CBARP: variants seen among roughly 807,000 people sequenced by gnomAD.
The protein encoded by CBARP is CACN subunit beta associated regulatory protein.
Under a neutral mutation model 36.3 loss-of-function variants are expected in CBARP, and 24 were observed. The ratio of observed to expected loss-of-function variants is 0.66; its 90% CI spans 0.48 to 0.93. The LOEUF (loss-of-function observed/expected upper bound fraction) is 0.93. CBARP is among the 40% of genes least tolerant of loss of function. The pLI is 0.00. For missense variants in CBARP, 1,146 were observed against 980.4 expected, an observed-to-expected ratio of 1.17 and a Z score of -2.26; for synonymous variants, 586 against 453.2, an observed-to-expected ratio of 1.29 and a Z score of -3.72.
chr19:1,230,743 A>G lies in CBARP; in HGVS notation c.1154+358T>C, dbSNP rs977084621. On this transcript the variant is annotated intron_variant, in intron 9 of 9. Coordinates refer to ENST00000650044, the MANE Select transcript of CBARP (RefSeq NM_001393918.1). ...AGTGGTCACAGCAGCTTCTGAGAGG[A>G]GTCTGCCCAGCCTTGGGAGCATGGG... 9.2e-6 allele frequency: 12 copies of G among 1,309,044 alleles called. No homozygotes were observed. In the Admixed American group the frequency reaches 4.3e-4, roughly 47 times the overall value. 81.1% of individuals were successfully genotyped at this position (1,309,044 alleles called of 1,614,324 possible).
rs372217682 is a variant in CBARP at position 1,231,323 on chromosome 19, C to G, written c.980-48G>C. ...GCGTCAGCCGGCATGTGCCTCCACC[C>G]GCTCCACACACACACAGAATGCCTA... On this transcript the variant is annotated intron_variant, in intron 8 of 9. Transcript: ENST00000650044. 7.0e-6 allele frequency: 11 copies of G among 1,570,234 alleles called. No homozygotes were observed. The South Asian group carries it at 1.3e-4, about 18-fold the overall frequency.
intron 1 of CBARP, among the ~76,000 whole-genome samples, 199 bp from the exon 2 acceptor site, chr19:1,236,320 T>C (rs1287474609): frequency 6.6e-6 from 1 of 152,146 alleles, no homozygotes; most frequent in Admixed American, 6.5e-5. Context: ...TGGACCTCCA[T>C]CTCCCATCCC....
Position 1,235,023 on chromosome 19 carries a change from T to C in CBARP, c.433A>G (p.Lys145Glu). 2.5e-6 allele frequency: 4 copies of C among 1,609,466 alleles called. No individual in the cohort carries two copies. The highest frequency in any genetic ancestry group is 3.4e-6 in the Non-Finnish European group (4 of 1,177,954). The change falls in exon 5 of 10, where the codon AAG becomes GAG. Residue 145 changes from lysine to glutamate, a missense_variant. Coordinates refer to ENST00000650044, the MANE Select transcript of CBARP (RefSeq NM_001393918.1). ...TACCGGCGACCCTTGTCCTGCGTCT[T>C]GCGGCTCTGCTCAAACAGCGCCGCC... Reference protein sequence around the residue: ...NEAALFEQSRKTQDKGRRYTL... With the variant: ...NEAALFEQSRETQDKGRRYTL...
chr19:1,233,371 GGC>G, intron 8 of CBARP, 53 bp downstream of exon 8: 1 of 1,488,516 alleles, frequency 6.7e-7, no homozygotes, highest in Non-Finnish European at 9.1e-7. Context: ...GGCAGCCCCT[GGC>G]AGCCAGCACC....
Position 1,233,530 on chromosome 19 carries a change from G to A in CBARP, c.875C>T (p.Thr292Ile), listed in dbSNP as rs767992418. Reference sequence around the variant, plus strand: ...CAGGCTGGCATGGCGGCGCAGGCGGGTGAGGAACTGCAGAACGGTACCTGC... The same window carrying A: ...CAGGCTGGCATGGCGGCGCAGGCGGATGAGGAACTGCAGAACGGTACCTGC... ...SGAGTVLQFL[T>I]RLRRHASLDG... The change falls in exon 8 of 10, where the codon ACC becomes ATC. Residue 292 changes from threonine to isoleucine, a missense_variant. Physicochemically the swap from Thr to Ile is moderately conservative, Grantham distance 89. Transcript: ENST00000650044. 3.1e-6 allele frequency: 5 copies of A among 1,604,918 alleles called. No homozygotes were observed. The highest frequency in any genetic ancestry group is 4.3e-6 in the Non-Finnish European group (5 of 1,176,312).
At position 1,234,602 on chromosome 19, in the gene CBARP, GTGGCCGGGTGGGGCGTGGTGGCTGAGC is replaced by G. The variant is rs753939723; in HGVS notation, c.569_595del (p.Ser190_Ala198del). On this transcript the variant is annotated inframe_deletion, in exon 6 of 10. Coordinates refer to ENST00000650044, the MANE Select transcript of CBARP (RefSeq NM_001393918.1). ...GATGGCCAGAGTGGCCTTGGGAGAG[GTGGCCGGGTGGGGCGTGGTGGCTGAGC>G]TGGCCTCGCCTGAGTCACACTCGTG... 6.2e-7 allele frequency: 1 copy of G among 1,608,192 alleles called. No individual in the cohort carries two copies. Among genetic ancestry groups the G allele is most frequent in the Non-Finnish European group, 8.5e-7 (1 of 1,178,062 alleles).
chr19:1,231,990 G>A (rs1415511949), intron 8 of CBARP, among the ~76,000 whole-genome samples: 1 of 152,110 alleles, frequency 6.6e-6, no homozygotes, highest in South Asian at 2.1e-4. Flanking sequence ...CGGAAGGCAT[G>A]AGAGAGTCAC....
rs540494227 is a variant in CBARP, at chr19:1,229,097, C to T, written c.*82G>A. On this transcript the variant is annotated 3_prime_UTR_variant, in exon 10 of 10. Coordinates refer to ENST00000650044, the MANE Select transcript of CBARP (RefSeq NM_001393918.1). This position sits in a 1 kb window ranked among gnomAD's most constrained non-coding sequence, Gnocchi z 5.1. ...TCCCCGCGCATTCGCGTCGGGGCGT[C>T]GCGCCCCCACGTCTCTCCCGCCGCC... The T allele has an allele frequency of 1.6e-3, 744 of 458,054 alleles. 5 individuals are homozygous for T. The highest frequency in any genetic ancestry group is 0.015 in the African/African-American group (677 of 46,650). 28.4% of individuals were successfully genotyped at this position (458,054 alleles called of 1,614,324 possible).
At position 1,235,050 on chromosome 19, in the gene CBARP, C is replaced by T; in HGVS notation, c.406G>A (p.Glu136Lys). ...CGGCTCTGCTCAAACAGCGCCGCCT[C>T]ATTGAAGGAGACCCGGCGGCCCGTG... is the stretch of plus-strand genomic sequence containing the variant. Reference protein sequence around the residue: ...SSTGRRVSFNEAALFEQSRKT... With the variant: ...SSTGRRVSFNKAALFEQSRKT... Residue 136 changes from glutamate (E) to lysine (K), a missense_variant, in exon 5 of 10, where the codon GAG becomes AAG. By Grantham distance (56) the Glu-to-Lys change is moderately conservative. Coordinates refer to ENST00000650044, the MANE Select transcript of CBARP (RefSeq NM_001393918.1). 7 of 1,611,522 alleles carry T rather than the reference C, an allele frequency of 4.3e-6. No individual in the cohort carries two copies. Among genetic ancestry groups the T allele is most frequent in the African/African-American group, 1.3e-5 (1 of 75,020 alleles).
intron 6 of CBARP, 103 bp downstream of exon 6, chr19:1,234,468 G>A (rs565281735): frequency 3.5e-6 from 5 of 1,431,020 alleles, no homozygotes; most frequent in Non-Finnish European, 4.6e-6. Context: ...ATCCCGAGAT[G>A]AGGGCCACCC....
Position 1,235,102 on chromosome 19 carries a change from C to A in CBARP, c.354G>T (p.Glu118Asp), listed in dbSNP as rs367789864. 2.5e-6 allele frequency: 4 copies of A among 1,605,430 alleles called. No homozygotes were observed. In the African/African-American group the frequency reaches 4.0e-5, roughly 16 times the overall value. Residue 118 changes from glutamate (E) to aspartate (D), a missense_variant, in exon 5 of 10, where the codon GAG (glutamate) becomes GAT (aspartate). Glu to Asp is a conservative substitution (Grantham distance 45). Transcript: ENST00000650044. The stretch of plus-strand genomic sequence containing the variant: ...AGCTGGTGGACAGGAAGCGTTCGGT[C>A]TCCGCATCCTGGCACTCGGGGTCCT... ...RGEDPECQDA[E>D]TERFLSTSST...
In CBARP at chr19:1,235,791, T is replaced by A; in HGVS notation, c.233A>T (p.Gln78Leu). The stretch of plus-strand genomic sequence containing the variant: ...GGGGGCCTCGCACCTGTTGAGGCGC[T>A]GGTGGACGTCCCAGCAGCGCTTGCA... ...LLCKRCWDVH[Q>L]RLNRAMEEAE... is the part of the protein sequence containing the mutation. The change falls in exon 3 of 10, where the codon CAG (glutamine) becomes CTG (leucine). Residue 78 changes from glutamine (Q) to leucine (L), a missense_variant. Transcript: ENST00000650044. The A allele has an allele frequency of 1.2e-6, 2 of 1,608,126 alleles. No individual in the cohort carries two copies. The highest frequency in any genetic ancestry group is 1.7e-6 in the Non-Finnish European group (2 of 1,179,848).
At chr19:1,235,641 A>C in intron 3 of CBARP, 76 bp from the exon 4 acceptor site, 1 of 1,584,520 alleles carries the variant, frequency 6.3e-7, no homozygotes, top group South Asian at 1.1e-5. Context: ...CTTTGCCCCA[A>C]GCCAAGCCCT....
At chr19:1,235,382 G>A (rs1221087256) in intron 4 of CBARP, 119 bp downstream of exon 4, 17 of 1,216,292 alleles carry the variant, frequency 1.4e-5, no homozygotes, top group Middle Eastern at 2.4e-4. Flanking sequence ...GAATCGAGCT[G>A]CGCCCAGTCT....
Position 1,235,323 on chromosome 19 carries a change from G to A in CBARP, c.310+178C>T, listed in dbSNP as rs758485640. On this transcript the variant is annotated intron_variant, in intron 4 of 9. Transcript: ENST00000650044. ...GCTCACACACTCACTCGCTCAGCAC[G>A]CGCCTGGGCCCACCTACGCCTGGGC... is the stretch of plus-strand genomic sequence containing the variant. The A allele has an allele frequency of 2.5e-5, 26 of 1,037,524 alleles. No homozygotes were observed. In the Admixed American group the frequency reaches 4.7e-4, roughly 19 times the overall value. The allele number at this position is 1,037,524 out of a possible 1,614,324, so 64.3% of individuals were successfully genotyped here. A position where few individuals can be genotyped will look rare whatever the true frequency, so the allele number is the denominator to read the frequency against.
At chr19:1,235,467 G>GGCGA in intron 4 of CBARP, 34 bp downstream of exon 4, 4 of 1,549,414 alleles carry the variant, frequency 2.6e-6, no homozygotes, top group Non-Finnish European at 3.5e-6. Context: ...CGGATGGACA[G>GGCGA]GCGAGCGCAC....
intron 4 of CBARP, 89 bp from the exon 5 acceptor site, chr19:1,235,234 CAGGG>C (rs1301411719): frequency 7.4e-7 from 1 of 1,343,034 alleles, no homozygotes; most frequent in African/African-American, 1.6e-5. Context: ...GCGGCCACGG[CAGGG>C]AGGGCTGGGG....
In CBARP at chr19:1,234,986, C is replaced by A. The variant is rs775832489; in HGVS notation, c.455+15G>T. ...AGACAGGCCCTGGGGTGCCTCCCAA[C>A]GCCGCCCCGCTTACCGGCGACCCTT... is the stretch of plus-strand genomic sequence containing the variant. On this transcript the variant is annotated intron_variant, in intron 5 of 9. Transcript: ENST00000650044. 1 of 1,593,538 alleles carries A rather than the reference C, an allele frequency of 6.3e-7. No individual in the cohort carries two copies. Among genetic ancestry groups the A allele is most frequent in the East Asian group, 2.3e-5 (1 of 44,424 alleles).
chr19:1,230,344 TATTAAGCAGGG>T, intron 9 of CBARP: 2 of 986,514 alleles, frequency 2.0e-6, no homozygotes, highest in Non-Finnish European at 2.4e-6. Context: ...GGCGCCTGCT[TATTAAGCAGGG>T]TGCCTCCATG....
Sources: gnomAD v4.1 joint callset for allele counts (sites outside exome capture counted in the v4.1 genomes callset) on GRCh38, gnomAD v4.1.1 for gene constraint, Gnocchi (gnomAD v3.1) non-coding constraint, MANE v1.5 for transcripts, NCBI Gene and HGNC (gene_info 2026-07-23, HGNC 2026-07-21) for gene names.